SNTG1: variants seen among roughly 807,000 people sequenced by gnomAD.
SNTG1 encodes gamma-1-syntrophin.
SNTG1 carries 39 observed loss-of-function variants against 74.7 expected under a neutral mutation model. The ratio of observed to expected loss-of-function variants is 0.52; its 90% CI spans 0.40 to 0.68. The LOEUF (loss-of-function observed/expected upper bound fraction) is 0.68, where lower values mean the gene tolerates loss of function less well. SNTG1 is among the 30% of genes least tolerant of loss of function. The probability of loss-of-function intolerance (pLI) is 0.00; values close to 1 mark genes in which losing one functional copy is unlikely to be tolerated. For synonymous variants in SNTG1, 254 were observed against 217.1 expected, an observed-to-expected ratio of 1.17 and a Z score of -1.49; for missense variants, 685 against 609.5, an observed-to-expected ratio of 1.12 and a Z score of -1.30.
intron 1 of SNTG1, among the ~76,000 whole-genome samples, chr8:50,073,375 C>T (rs1821545491): frequency 6.6e-6 from 1 of 152,182 alleles, no homozygotes; most frequent in South Asian, 2.1e-4. Context: ...CATACATCTT[C>T]ATGCTCTACT....
intron 18 of SNTG1, chr8:50,762,611 T>C: frequency 4.8e-6 from 2 of 419,194 alleles, no homozygotes; most frequent in South Asian, 3.9e-5. Flanking sequence ...CATCAGTGTA[T>C]CCTCTCCCCA....
chr8:50,130,674 T>C (rs2081288342), intron 1 of SNTG1, among the ~76,000 whole-genome samples: 1 of 152,220 alleles, frequency 6.6e-6, no homozygotes, highest in Admixed American at 6.5e-5. Flanking sequence ...GCTCAATAAA[T>C]GCATTTCTGA....
At chr8:50,789,707 A>T (rs1022828256) in intron 18 of SNTG1, among the ~76,000 whole-genome samples, 1 of 151,916 alleles carries the variant, frequency 6.6e-6, no homozygotes, top group African/African-American at 2.4e-5. Context: ...AAACTTTGTA[A>T]CTTCTCCTTC....
chr8:49,919,550 G>A (rs1005068895), intron 1 of SNTG1, among the ~76,000 whole-genome samples: 1 of 151,960 alleles, frequency 6.6e-6, no homozygotes, highest in Non-Finnish European at 1.5e-5. Context: ...TTCTCTAAAA[G>A]CTTTTTTTTC....
chr8:50,144,473 G>T (rs1486038410), intron 1 of SNTG1, among the ~76,000 whole-genome samples: 1 of 152,214 alleles, frequency 6.6e-6, no homozygotes, highest in African/African-American at 2.4e-5. Context: ...GCTGCATACA[G>T]ATTTTCAGGA....
chr8:50,627,383 C>T (rs1338747630), intron 13 of SNTG1, among the ~76,000 whole-genome samples: 1 of 152,168 alleles, frequency 6.6e-6, no homozygotes, highest in African/African-American at 2.4e-5. Context: ...TCCTCTCTTG[C>T]TCATCTGTCA....
chr8:49,963,064 C>G (rs1204299471), intron 1 of SNTG1, among the ~76,000 whole-genome samples: 5 of 152,208 alleles, frequency 3.3e-5, no homozygotes. Context: ...TTCATGACAG[C>G]ACCTCCTGTA....
chr8:49,979,407 A>C (rs916819104), intron 1 of SNTG1, among the ~76,000 whole-genome samples: 7 of 152,182 alleles, frequency 4.6e-5, no homozygotes, highest in Non-Finnish European at 8.8e-5. Flanking sequence ...CCTGTCTCCA[A>C]AGTGTGTGGC....
intron 15 of SNTG1, among the ~76,000 whole-genome samples, chr8:50,692,668 G>A (rs537142731): frequency 6.6e-6 from 1 of 152,312 alleles, no homozygotes; most frequent in African/African-American, 2.4e-5. Context: ...CTACTGGGGG[G>A]TGCCTCCCAG....
chr8:50,531,632 C>T (rs1204573720), intron 10 of SNTG1, among the ~76,000 whole-genome samples: 3 of 152,308 alleles, frequency 2.0e-5, no homozygotes, highest in Admixed American at 2.0e-4. Context: ...TCCCTCTTGT[C>T]TGGATCCCCT....
rs552138307 is a variant in SNTG1 at position 50,769,850 on chromosome 8, A to G, written c.1395+17739A>G. ...AAAAGAGATAAAGCAAAATTTTATT[A>G]AACATTGTTCTATTACATCAAAATC... is the stretch of plus-strand genomic sequence containing the variant. On this transcript the variant is annotated intron_variant, in intron 18 of 18. Transcript: ENST00000642720. Among the ~76,000 whole-genome samples, 4 of 152,252 alleles carry G rather than the reference A, an allele frequency of 2.6e-5. No individual in the cohort carries two copies. In the South Asian group the frequency reaches 8.3e-4, roughly 32 times the overall value.
Position 50,512,573 on chromosome 8 carries a change from C to A in SNTG1, c.466+9693C>A, listed in dbSNP as rs138705896. Among the ~76,000 whole-genome samples, 427 of 152,308 alleles carry A rather than the reference C, an allele frequency of 2.8e-3. 3 individuals are homozygous for A. The highest frequency in any genetic ancestry group is 9.9e-3 in the African/African-American group (411 of 41,582). Reference sequence around the variant, plus strand: ...TATATCAATCAGACATAGATTTGGTCTTTTCACATAGTCCTATATTTCTTG... The same window carrying A: ...TATATCAATCAGACATAGATTTGGTATTTTCACATAGTCCTATATTTCTTG... On this transcript the variant is annotated intron_variant, in intron 9 of 18. Transcript: ENST00000642720.
intron 18 of SNTG1, chr8:50,762,407 T>C: frequency 4.8e-6 from 1 of 208,122 alleles, no homozygotes; most frequent in Non-Finnish European, 1.0e-5. Flanking sequence ...TGAATTCTGG[T>C]GTATGAGATC....
At chr8:50,430,983 A>T (rs560272296) in intron 4 of SNTG1, among the ~76,000 whole-genome samples, 1 of 152,292 alleles carries the variant, frequency 6.6e-6, no homozygotes, top group South Asian at 2.1e-4. Context: ...TTAGCCTTTC[A>T]TCTTTAGCCT....
intron 2 of SNTG1, among the ~76,000 whole-genome samples, chr8:50,192,599 G>T (rs1194440869): frequency 6.6e-6 from 1 of 151,940 alleles, no homozygotes; most frequent in Admixed American, 6.6e-5. Flanking sequence ...CCACTCTGTG[G>T]GTTGTCTGTT....
chr8:50,635,936 A>G (rs1445982584), intron 13 of SNTG1, among the ~76,000 whole-genome samples: 1 of 152,104 alleles, frequency 6.6e-6, no homozygotes, highest in East Asian at 1.9e-4. Flanking sequence ...GCCAAGGCCC[A>G]CAGTGAGCTC....
At chr8:50,775,156 A>T (rs935107445) in intron 18 of SNTG1, among the ~76,000 whole-genome samples, 1 of 151,550 alleles carries the variant, frequency 6.6e-6, no homozygotes, top group African/African-American at 2.4e-5. Flanking sequence ...TATATTAAAT[A>T]TTTCGACCAA....
chr8:50,172,660 G>T (rs550563703), intron 2 of SNTG1, 25 bp downstream of exon 2: 1 of 151,500 alleles, frequency 6.6e-6, no homozygotes, highest in South Asian at 2.1e-4. Flanking sequence ...TTGCAATAAC[G>T]TATCATGTGT....
intron 13 of SNTG1, among the ~76,000 whole-genome samples, chr8:50,634,852 C>T (rs963122071): frequency 6.6e-6 from 1 of 152,174 alleles, no homozygotes; most frequent in Non-Finnish European, 1.5e-5. Flanking sequence ...TCCCCACACT[C>T]TTTTGTAACC....
Sources: gnomAD v4.1 joint callset for allele counts (sites outside exome capture counted in the v4.1 genomes callset) on GRCh38, gnomAD v4.1.1 for gene constraint, MANE v1.5 for transcripts, NCBI Gene and HGNC (gene_info 2026-07-23, HGNC 2026-07-21) for gene names.